The following LIG1 variants were observed in gnomAD, a reference collection of about 807,000 sequenced individuals.
LIG1 encodes DNA ligase 1, also known as ligase I, DNA, ATP-dependent.
A neutral mutation model predicts 115.7 loss-of-function variants in LIG1; 70 were observed. The observed-to-expected ratio is 0.60, with a 90% CI of 0.50 to 0.74. The LOEUF is 0.74. LIG1 is among the 30% of genes least tolerant of loss of function. The pLI, the probability that LIG1 is intolerant of heterozygous loss-of-function variation, is 0.00. For missense variants in LIG1, 1,115 were observed against 1,225.6 expected (o/e 0.91, Z 1.35); for synonymous variants, 487 against 495.3 (o/e 0.98, Z 0.22).
chr19:48,123,373 A>G (rs2033435472), intron 21 of LIG1, 55 bp from the exon 22 acceptor site: 4 of 1,593,668 alleles, frequency 2.5e-6, no homozygotes, highest in South Asian at 1.1e-5. Context: ...AATAAAGACA[A>G]TAAGCCCTAA....
At chr19:48,134,831 G>A (rs1478509041) in intron 16 of LIG1, among the ~76,000 whole-genome samples, 2 of 152,222 alleles carry the variant, frequency 1.3e-5, no homozygotes, top group African/African-American at 4.8e-5. Flanking sequence ...CCCAGTGGGG[G>A]GCCCTGGCCC....
intron 9 of LIG1, among the ~76,000 whole-genome samples, chr19:48,149,018 G>T (rs2035307427): frequency 6.6e-6 from 1 of 152,146 alleles, no homozygotes. Context: ...CACTAAATCT[G>T]GTGAGTTCAG....
At chr19:48,135,917 G>A in intron 15 of LIG1, 117 bp downstream of exon 15, 2 of 850,692 alleles carry the variant, frequency 2.4e-6, no homozygotes, top group African/African-American at 1.7e-5. Flanking sequence ...CCAGGAGAGA[G>A]GAGCCTGGTA....
chr19:48,166,678 A>C (rs1599895860), intron 1 of LIG1, among the ~76,000 whole-genome samples: 1 of 152,246 alleles, frequency 6.6e-6, no homozygotes, highest in East Asian at 1.9e-4. Flanking sequence ...ACTCTAATGA[A>C]AGGGTTCCTA....
chr19:48,155,950 CCT>C (rs1057226786), intron 5 of LIG1, among the ~76,000 whole-genome samples: 64 of 152,314 alleles, frequency 4.2e-4, no homozygotes, highest in African/African-American at 1.4e-3. Flanking sequence ...ATTCAGCTCC[CCT>C]GTCACACTCA....
chr19:48,165,964 C>T (rs1599893030), intron 1 of LIG1, among the ~76,000 whole-genome samples: 1 of 152,128 alleles, frequency 6.6e-6, no homozygotes, highest in Non-Finnish European at 1.5e-5. Context: ...GACATAATTC[C>T]GTGAAACAAC....
At chr19:48,139,000 T>C (rs979279194) in intron 12 of LIG1, among the ~76,000 whole-genome samples, 1 of 152,154 alleles carries the variant, frequency 6.6e-6, no homozygotes, top group Non-Finnish European at 1.5e-5. Flanking sequence ...CATGAAAGCC[T>C]GAAACCCCTG....
At chr19:48,134,622 C>T (rs1464420288) in intron 16 of LIG1, among the ~76,000 whole-genome samples, 1 of 152,270 alleles carries the variant, frequency 6.6e-6, no homozygotes, top group Non-Finnish European at 1.5e-5. Context: ...TGTGCTGCTG[C>T]ACTCCAGCCT....
At chr19:48,156,613 G>A (rs1599860967) in intron 5 of LIG1, among the ~76,000 whole-genome samples, 1 of 152,280 alleles carries the variant, frequency 6.6e-6, no homozygotes, top group Non-Finnish European at 1.5e-5. Flanking sequence ...CTGTTGTAAG[G>A]ATGACTACCT....
chr19:48,149,751 A>C lies in LIG1; in HGVS notation c.776+12T>G. ...TCCCGAAGAACCTTTCCAGACCTGG[A>C]CACTGACTCACCCCTCAGCAGCTCC... On this transcript the variant is annotated intron_variant, in intron 9 of 27. Coordinates refer to ENST00000263274, the MANE Select transcript of LIG1 (RefSeq NM_000234.3). 6.2e-7 allele frequency: 1 copy of C among 1,610,266 alleles called. No individual in the cohort carries two copies. Among genetic ancestry groups the C allele is most frequent in the Non-Finnish European group, 8.5e-7 (1 of 1,176,488 alleles).
chr19:48,160,449 G>A (rs1193482534), intron 4 of LIG1, among the ~76,000 whole-genome samples: 1 of 152,190 alleles, frequency 6.6e-6, no homozygotes, highest in Non-Finnish European at 1.5e-5. Flanking sequence ...GGCTGCAGAT[G>A]TGATGGGCGG....
chr19:48,163,984 TAAAA>T (rs1402540744), intron 2 of LIG1, among the ~76,000 whole-genome samples: 7 of 143,418 alleles, frequency 4.9e-5, no homozygotes, highest in Non-Finnish European at 1.1e-4. Context: ...GCGTGAACAT[TAAAA>T]AAAAAATCTG....
intron 4 of LIG1, among the ~76,000 whole-genome samples, chr19:48,160,738 C>CTT (rs747316658): frequency 6.9e-6 from 1 of 144,480 alleles, no homozygotes. Flanking sequence ...TATTTTTTTG[C>CTT]TTTTTTTTTT....
rs780588796 is a variant in LIG1, at chr19:48,117,633, C to T, written c.2583+5G>A. On this transcript the variant is annotated splice_donor_5th_base_variant and intron_variant, in intron 26 of 27. Coordinates refer to ENST00000263274, the MANE Select transcript of LIG1 (RefSeq NM_000234.3). The stretch of plus-strand genomic sequence containing the variant: ...AGGGCCACGGCCAGGTCCTCTGCCA[C>T]TCACCAGGCCCCGCGCAGCAGGGTA... 2.5e-6 allele frequency: 4 copies of T among 1,612,048 alleles called. No individual in the cohort carries two copies. Among genetic ancestry groups the T allele is most frequent in the Non-Finnish European group, 3.4e-6 (4 of 1,179,602 alleles).
At chr19:48,154,940 A>G (rs1364628026) in intron 5 of LIG1, among the ~76,000 whole-genome samples, 1 of 151,940 alleles carries the variant, frequency 6.6e-6, no homozygotes, top group Non-Finnish European at 1.5e-5. Flanking sequence ...AACCCTTCCC[A>G]CACCACATAC....
chr19:48,168,234 T>C (rs1239544324), intron 1 of LIG1, among the ~76,000 whole-genome samples: 2 of 152,160 alleles, frequency 1.3e-5, no homozygotes, highest in Non-Finnish European at 2.9e-5. Flanking sequence ...GGAAGCCTAC[T>C]CTATGCCTGA....
intron 19 of LIG1, among the ~76,000 whole-genome samples, chr19:48,129,958 G>A (rs569476260): frequency 1.4e-3 from 212 of 152,230 alleles, no homozygotes; most frequent in Admixed American, 3.5e-3. Context: ...ATTTCACCAT[G>A]TCAGCCAGGC....
At chr19:48,167,400 AC>A (rs1225295411) in intron 1 of LIG1, among the ~76,000 whole-genome samples, 1 of 151,916 alleles carries the variant, frequency 6.6e-6, no homozygotes, top group Non-Finnish European at 1.5e-5. Flanking sequence ...ATCTTCTTCA[AC>A]CCATGGGGTC....
chr19:48,131,195 G>C, intron 18 of LIG1, 24 bp from the exon 19 acceptor site: 2 of 1,587,330 alleles, frequency 1.3e-6, no homozygotes, highest in Non-Finnish European at 1.7e-6. Flanking sequence ...AGAAGGGAGG[G>C]GAAATCAGCT....
Sources: gnomAD v4.1 joint callset for allele counts (sites outside exome capture counted in the v4.1 genomes callset) on GRCh38, gnomAD v4.1.1 for gene constraint, MANE v1.5 for transcripts, NCBI Gene and HGNC (gene_info 2026-07-23, HGNC 2026-07-21) for gene names.